Variants in RGS18 observed in about 807,000 individuals in gnomAD.
RGS18 encodes the protein regulator of G protein signaling 18.
Under a neutral mutation model 27.6 loss-of-function variants are expected in RGS18, and 22 were observed. That is an observed-to-expected ratio of 0.80 (90% CI 0.57 to 1.14). The LOEUF is 1.14. RGS18 is among the 50% of genes most tolerant of loss of function. RGS18 has a pLI of 0.00. For missense variants in RGS18, 299 were observed against 269.6 expected, an observed-to-expected ratio of 1.11 and a Z score of -0.76; for synonymous variants, 89 against 84.6, an observed-to-expected ratio of 1.05 and a Z score of -0.29.
chr1:192,162,165 C>T (rs574064303), intron 3 of RGS18, among the ~76,000 whole-genome samples: 1 of 152,264 alleles, frequency 6.6e-6, no homozygotes, highest in African/African-American at 2.4e-5. Flanking sequence ...ACTATCACTT[C>T]CTGTTTTTGG....
At chr1:192,178,005 T>C (rs184657007) in intron 3 of RGS18, among the ~76,000 whole-genome samples, 24 of 151,756 alleles carry the variant, frequency 1.6e-4, no homozygotes, top group Admixed American at 1.5e-3. Flanking sequence ...GGTCACCAGT[T>C]AGGAGGTTTT....
At chr1:192,168,305 C>A (rs1033092870) in intron 3 of RGS18, 6 of 152,168 alleles carry the variant, frequency 3.9e-5, no homozygotes, top group African/African-American at 1.4e-4. Context: ...TAATAAACTT[C>A]TTTCTCATTC....
chr1:192,159,527 C>T (rs1232930653), intron 2 of RGS18, among the ~76,000 whole-genome samples: 2 of 152,148 alleles, frequency 1.3e-5, no homozygotes, highest in Non-Finnish European at 2.9e-5. Flanking sequence ...CACGTGAACA[C>T]TTAAAGCTGC....
intron 2 of RGS18, 119 bp downstream of exon 2, chr1:192,159,440 T>C (rs1274405098): frequency 1.5e-6 from 1 of 669,878 alleles, no homozygotes; most frequent in African/African-American, 1.8e-5. Context: ...TAAGGAAAGT[T>C]AGAAATTTCA....
chr1:192,177,040 A>G (rs999546300), intron 3 of RGS18, among the ~76,000 whole-genome samples: 1 of 151,796 alleles, frequency 6.6e-6, no homozygotes, highest in African/African-American at 2.4e-5. Context: ...AACTAATAAT[A>G]CAGATTCAGA....
In RGS18 at chr1:192,165,808, G is replaced by A. The variant is rs16834089; in HGVS notation, c.283+5369G>A. On this transcript the variant is annotated intron_variant, in intron 3 of 4. Transcript: ENST00000367460. ...TAATTTAAATTCTGTTTCTTATTTC[G>A]TTCAATGGAGTTATTAGTCTATTTT... is the stretch of plus-strand genomic sequence containing the variant. Among the ~76,000 whole-genome samples, 846 of 151,926 alleles carry A rather than the reference G, an allele frequency of 5.6e-3. 10 individuals carry two copies. The highest frequency in any genetic ancestry group is 0.02 in the African/African-American group (816 of 41,450).
chr1:192,185,714 T>C lies in RGS18; in HGVS notation c.*1160T>C, dbSNP rs963583995. ...TTAGGCTTTGGAAATTTAATGTTAG[T>C]TGAAATGTAAAATGTGAAAACTTTA... On this transcript the variant is annotated 3_prime_UTR_variant, in exon 5 of 5. Coordinates refer to ENST00000367460, the MANE Select transcript of RGS18 (RefSeq NM_130782.3). 4.6e-5 allele frequency: 7 copies of C among 151,670 alleles called. No homozygotes were observed. Among genetic ancestry groups the C allele is most frequent in the African/African-American group, 1.7e-4 (7 of 41,382 alleles). 9.4% of individuals were successfully genotyped at this position (151,670 alleles called of 1,614,324 possible).
intron 3 of RGS18, among the ~76,000 whole-genome samples, chr1:192,175,290 T>C (rs1299335039): frequency 6.8e-6 from 1 of 147,328 alleles, no homozygotes; most frequent in African/African-American, 2.5e-5. Flanking sequence ...AACAAAATAT[T>C]GATAATAAGT....
intron 3 of RGS18, among the ~76,000 whole-genome samples, chr1:192,172,155 A>T (rs1021920309): frequency 6.6e-6 from 1 of 151,978 alleles, no homozygotes; most frequent in African/African-American, 2.4e-5. Context: ...CTCACCCCAA[A>T]TCTCAGGTTG....
chr1:192,182,090 C>A (rs1656466603), intron 4 of RGS18, among the ~76,000 whole-genome samples: 1 of 151,494 alleles, frequency 6.6e-6, no homozygotes, highest in African/African-American at 2.4e-5. Flanking sequence ...TACATTCATC[C>A]TTTGATGGAC....
Position 192,160,379 on chromosome 1 carries a change from G to C in RGS18, c.223G>C (p.Val75Leu). 6.2e-7 allele frequency: 1 copy of C among 1,608,880 alleles called. No individual in the cohort carries two copies. The highest frequency in any genetic ancestry group is 8.5e-7 in the Non-Finnish European group (1 of 1,175,698). The change falls in exon 3 of 5, where the codon GTC (valine) becomes CTC (leucine). Residue 75 changes from valine (V) to leucine (L), a missense_variant and splice_region_variant. Transcript: ENST00000367460. The stretch of plus-strand genomic sequence containing the variant: ...TAAAACATTTTGTTTCTTGTACAGA[G>C]TCTCCCCTGAAGAGGCAGTGAAATG... The part of the protein sequence containing the change: ...RSGHLAKETR[V>L]SPEEAVKWGE...
chr1:192,175,572 G>A (rs902308255), intron 3 of RGS18, among the ~76,000 whole-genome samples: 4 of 151,822 alleles, frequency 2.6e-5, no homozygotes, highest in African/African-American at 9.7e-5. Flanking sequence ...ACTTTCTTTG[G>A]TATCTCTTCT....
At chr1:192,183,256 C>A (rs1656486510) in intron 4 of RGS18, among the ~76,000 whole-genome samples, 1 of 151,530 alleles carries the variant, frequency 6.6e-6, no homozygotes, top group Non-Finnish European at 1.5e-5. Context: ...GATATATATG[C>A]AGTGCTATGA....
intron 3 of RGS18, among the ~76,000 whole-genome samples, chr1:192,162,372 A>G (rs1429198835): frequency 3.3e-5 from 5 of 152,048 alleles, no homozygotes; most frequent in Non-Finnish European, 4.4e-5. Flanking sequence ...GCACTGGCAC[A>G]ATCTCAGCTC....
chr1:192,164,507 TA>T (rs550021214), intron 3 of RGS18, among the ~76,000 whole-genome samples: 262 of 149,268 alleles, frequency 1.8e-3, no homozygotes, highest in Middle Eastern at 6.9e-3. Flanking sequence ...TTTTTAAAAT[TA>T]AAAAAAAAAT....
intron 3 of RGS18, among the ~76,000 whole-genome samples, chr1:192,178,324 G>T (rs1204389878): frequency 6.6e-6 from 1 of 151,562 alleles, no homozygotes; most frequent in African/African-American, 2.4e-5. Flanking sequence ...TTCACATGTT[G>T]GTTGGTATGA....
At chr1:192,171,022 T>C (rs1180222863) in intron 3 of RGS18, among the ~76,000 whole-genome samples, 1 of 152,132 alleles carries the variant, frequency 6.6e-6, no homozygotes, top group African/African-American at 2.4e-5. Context: ...ATGTGCTTAA[T>C]ATGCCACAGT....
intron 4 of RGS18, among the ~76,000 whole-genome samples, chr1:192,182,856 C>T (rs1194808475): frequency 2.0e-5 from 3 of 151,500 alleles, no homozygotes; most frequent in African/African-American, 7.3e-5. Context: ...TTAATTTTGG[C>T]TCATCTATTT....
At chr1:192,182,107 G>A (rs12726626) in intron 4 of RGS18, among the ~76,000 whole-genome samples, 6,619 of 151,560 alleles carry the variant, frequency 0.044, 221 homozygotes, top group Admixed American at 0.072. Flanking sequence ...GGACATTTAG[G>A]ATGAGTCCAT....
Sources: gnomAD v4.1 joint callset for allele counts (sites outside exome capture counted in the v4.1 genomes callset) on GRCh38, gnomAD v4.1.1 for gene constraint, MANE v1.5 for transcripts, NCBI Gene and HGNC (gene_info 2026-07-23, HGNC 2026-07-21) for gene names.